RBFOX1: variants seen among roughly 807,000 people sequenced by gnomAD.
RBFOX1 encodes RNA binding protein fox-1 homolog 1.
A neutral mutation model predicts 57.7 loss-of-function variants in RBFOX1; 8 were observed. The ratio of observed to expected loss-of-function variants is 0.14; its 90% CI spans 0.08 to 0.25. RBFOX1 has a LOEUF of 0.25. RBFOX1 is among the 10% of genes least tolerant of loss of function. RBFOX1 has a pLI of 1.00. For synonymous variants in RBFOX1, 326 were observed against 222.4 expected (o/e 1.47, Z -4.15); for missense variants, 611 against 548.5 (o/e 1.11, Z -1.14).
chr16:5,998,865 A>G (rs939684301), intron 4 of RBFOX1, among the ~76,000 whole-genome samples: 2 of 152,192 alleles, frequency 1.3e-5, no homozygotes, highest in Non-Finnish European at 2.9e-5. Context: ...TAATCCATTT[A>G]ATTCCAAATG....
At position 6,099,313 on chromosome 16, in the gene RBFOX1, C is replaced by T. The variant is rs1048479218; in HGVS notation, c.-127+79321C>T. Among the ~76,000 whole-genome samples the T allele has an allele frequency of 1.5e-4, 23 of 152,068 alleles. 1 individual carries two copies. Among genetic ancestry groups the T allele is most frequent in the African/African-American group, 4.3e-4 (18 of 41,398 alleles). On this transcript the variant is annotated intron_variant, in intron 1 of 15. Transcript: ENST00000550418. ...TGGTGTATAGATGATTTCATGATGA[C>T]GTCAGTAAAGGGTCTATGAGAACAC...
At chr16:7,207,926 C>A (rs2090329603) in intron 4 of RBFOX1, among the ~76,000 whole-genome samples, 1 of 152,164 alleles carries the variant, frequency 6.6e-6, no homozygotes, top group Non-Finnish European at 1.5e-5. Context: ...TCCTCTCCTT[C>A]CTCTCAATCT....
Position 5,946,047 on chromosome 16 carries a change from C to T in RBFOX1, c.351+78712C>T, listed in dbSNP as rs576961925. ...AGAGAAAAGAAGTCTGCTTTGTTTG[C>T]TAGTAAAGTGAGGGGGAGACAGGGT... On this transcript the variant is annotated intron_variant, in intron 4 of 19. Coordinates refer to the RBFOX1 transcript ENST00000641259. This position sits in a 1 kb window ranked among gnomAD's most constrained non-coding sequence, Gnocchi z 4.6. 6.6e-6 allele frequency among the ~76,000 whole-genome samples: 1 copy of T among 152,206 alleles called. No individual in the cohort carries two copies. Among genetic ancestry groups the T allele is most frequent in the Non-Finnish European group, 1.5e-5 (1 of 68,042 alleles).
chr16:6,160,872 G>A (rs1477041106), intron 1 of RBFOX1, among the ~76,000 whole-genome samples: 2 of 152,118 alleles, frequency 1.3e-5, no homozygotes, highest in Admixed American at 6.5e-5. Context: ...CCTTTCCTCA[G>A]ACAGCCTTTT....
rs568709173 is a variant in RBFOX1, at chr16:7,217,956, A to ATGTGTACC, written c.27+165864_27+165871dup. On this transcript the variant is annotated intron_variant, in intron 4 of 15. Transcript: ENST00000550418. ...TGCGTGCATGTGTGTGTGTGTGCAC[A>ATGTGTACC]TGTGTACCTGTGTCTGCGTGTGTGC... Among the ~76,000 whole-genome samples the ATGTGTACC allele has an allele frequency of 2.8e-4, 42 of 149,514 alleles. 1 individual carries two copies. In the South Asian group the frequency reaches 8.0e-3, roughly 28 times the overall value.
intron 2 of RBFOX1, among the ~76,000 whole-genome samples, chr16:6,624,003 C>T (rs1601840628): frequency 6.6e-6 from 1 of 152,120 alleles, no homozygotes; most frequent in African/African-American, 2.4e-5. Flanking sequence ...TTCTAGATCC[C>T]TGAGGAGTCG....
At position 6,404,298 on chromosome 16, in the gene RBFOX1, A is replaced by G. The variant is rs563433009; in HGVS notation, c.-64+87241A>G. 1.1e-4 allele frequency among the ~76,000 whole-genome samples: 17 copies of G among 152,290 alleles called. No individual in the cohort carries two copies. In the South Asian group the frequency reaches 3.3e-3, roughly 30 times the overall value. On this transcript the variant is annotated intron_variant, in intron 2 of 15. Coordinates refer to ENST00000550418, the MANE Select transcript of RBFOX1 (RefSeq NM_018723.4). Reference sequence around the variant, plus strand: ...ATATGGGAGGATGTCTGAAAGTTGTATGCAAATTCCATGCCATTTGCTGTC... The same window carrying G: ...ATATGGGAGGATGTCTGAAAGTTGTGTGCAAATTCCATGCCATTTGCTGTC...
intron 3 of RBFOX1, among the ~76,000 whole-genome samples, chr16:5,727,918 C>G (rs1596994030): frequency 1.3e-5 from 2 of 152,222 alleles, no homozygotes; most frequent in Admixed American, 6.5e-5. Flanking sequence ...AACTCCTGGC[C>G]TCAAGTGGTC....
chr16:6,641,682 C>G (rs2098489443), intron 2 of RBFOX1, among the ~76,000 whole-genome samples: 1 of 127,916 alleles, frequency 7.8e-6, no homozygotes, highest in African/African-American at 2.9e-5. Flanking sequence ...TTGCAGTGAG[C>G]TGAGATGGCA....
chr16:5,987,110 T>C (rs1195358130), intron 4 of RBFOX1, among the ~76,000 whole-genome samples: 3 of 152,234 alleles, frequency 2.0e-5, no homozygotes, highest in Non-Finnish European at 2.9e-5. Flanking sequence ...TTATAGTTCA[T>C]TCCCTGATGG....
At chr16:7,334,094 C>T (rs532778990) in intron 4 of RBFOX1, among the ~76,000 whole-genome samples, 3 of 152,148 alleles carry the variant, frequency 2.0e-5, no homozygotes. Flanking sequence ...ATTACAATTT[C>T]TGGGAACCAT....
rs1223792631 is a variant in RBFOX1 at position 7,271,564 on chromosome 16, C to G, written c.27+219466C>G. Among the ~76,000 whole-genome samples, 3 of 151,820 alleles carry G rather than the reference C, an allele frequency of 2.0e-5. No individual in the cohort carries two copies. The East Asian group carries it at 5.8e-4, about 29-fold the overall frequency. ...TGCATGTTAGTATAATAACTAGAAG[C>G]TCGATGTTATGAGTTGAAGCATAAT... On this transcript the variant is annotated intron_variant, in intron 4 of 15. Coordinates refer to ENST00000550418, the MANE Select transcript of RBFOX1 (RefSeq NM_018723.4).
intron 3 of RBFOX1, among the ~76,000 whole-genome samples, chr16:6,969,453 G>A (rs1263888297): frequency 6.6e-6 from 1 of 152,080 alleles, no homozygotes; most frequent in Admixed American, 6.6e-5. Flanking sequence ...CAAATAAGGT[G>A]GCCGGGTGTG....
At chr16:7,148,180 C>G (rs1170612819) in intron 4 of RBFOX1, among the ~76,000 whole-genome samples, 1 of 152,098 alleles carries the variant, frequency 6.6e-6, no homozygotes, top group African/African-American at 2.4e-5. Context: ...GGATTTACAC[C>G]AAATACTGCC....
At chr16:5,394,761 C>G (rs2066504431) in intron 1 of RBFOX1, among the ~76,000 whole-genome samples, 2 of 152,220 alleles carry the variant, frequency 1.3e-5, no homozygotes, top group South Asian at 2.1e-4. Flanking sequence ...GTTGTCCAGG[C>G]TGGTCTTGAA....
chr16:7,078,048 T>C (rs1448843158), intron 4 of RBFOX1, among the ~76,000 whole-genome samples: 1 of 152,182 alleles, frequency 6.6e-6, no homozygotes, highest in East Asian at 1.9e-4. Context: ...CAAACACCTT[T>C]TGAGATTTTC....
intron 2 of RBFOX1, among the ~76,000 whole-genome samples, chr16:6,506,104 C>G (rs1388289178): frequency 1.3e-5 from 2 of 152,284 alleles, no homozygotes; most frequent in Admixed American, 6.5e-5. Flanking sequence ...ACATGCCCTA[C>G]TAAGAAAGTG....
At chr16:5,611,782 CCAT>C (rs1567296932) in intron 3 of RBFOX1, among the ~76,000 whole-genome samples, 1 of 82,118 alleles carries the variant, frequency 1.2e-5, no homozygotes, top group African/African-American at 3.9e-5. Context: ...ATCCATCCAT[CCAT>C]CCATCCATCC....
At chr16:5,707,553 C>T (rs1429579135) in intron 3 of RBFOX1, among the ~76,000 whole-genome samples, 1 of 152,110 alleles carries the variant, frequency 6.6e-6, no homozygotes, top group Non-Finnish European at 1.5e-5. Flanking sequence ...TTGAGATAGG[C>T]AAATATCATG....
Sources: gnomAD v4.1 joint callset for allele counts (sites outside exome capture counted in the v4.1 genomes callset) on GRCh38, gnomAD v4.1.1 for gene constraint, Gnocchi (gnomAD v3.1) non-coding constraint, MANE v1.5 for transcripts, NCBI Gene and HGNC (gene_info 2026-07-23, HGNC 2026-07-21) for gene names.